The following KSR2 variants were observed in gnomAD, a reference collection of about 807,000 sequenced individuals.
KSR2 encodes the protein kinase suppressor of ras 2.
A neutral mutation model predicts 107.8 loss-of-function variants in KSR2; 25 were observed. That is an observed-to-expected ratio of 0.23 (90% confidence interval 0.17 to 0.32). KSR2 has a LOEUF of 0.32. Ranked by LOEUF, KSR2 falls within the 10% of genes least tolerant of loss-of-function variation. The pLI is 1.00. For missense variants in KSR2, 887 were observed against 1,268.9 expected, an observed-to-expected ratio of 0.70 and a Z score of 4.57; for synonymous variants, 480 against 507.0, an observed-to-expected ratio of 0.95 and a Z score of 0.71.
intron 3 of KSR2, among the ~76,000 whole-genome samples, chr12:117,766,466 T>G (rs950290049): frequency 6.6e-6 from 1 of 152,172 alleles, no homozygotes; most frequent in Non-Finnish European, 1.5e-5. Flanking sequence ...TGGAACTAAA[T>G]AGAGGTGGTG....
At chr12:117,891,547 G>A (rs1894341555) in intron 1 of KSR2, among the ~76,000 whole-genome samples, 1 of 152,192 alleles carries the variant, frequency 6.6e-6, no homozygotes. Context: ...AGACCAGCCT[G>A]GACAACAGAA....
chr12:117,589,573 TA>T (rs905506048), intron 5 of KSR2, among the ~76,000 whole-genome samples: 2 of 152,186 alleles, frequency 1.3e-5, no homozygotes, highest in Admixed American at 6.5e-5. Context: ...TCATTGGGCC[TA>T]AAGGTAACTG....
At chr12:117,519,416 G>T (rs956812412) in intron 14 of KSR2, among the ~76,000 whole-genome samples, 3 of 152,202 alleles carry the variant, frequency 2.0e-5, no homozygotes, top group African/African-American at 7.2e-5. Flanking sequence ...GGACACACCC[G>T]CAGAGGTTCT....
chr12:117,544,121 C>G (rs1068930), intron 9 of KSR2, among the ~76,000 whole-genome samples: 151,814 of 152,330 alleles, frequency 1, 75,651 homozygotes, highest in Middle Eastern at 1. Context: ...TATCTTTGTG[C>G]GGAATACAGG....
At chr12:117,538,888 T>C (rs938973708) in intron 10 of KSR2, among the ~76,000 whole-genome samples, 6 of 152,010 alleles carry the variant, frequency 3.9e-5, no homozygotes, top group Non-Finnish European at 7.4e-5. Flanking sequence ...TATGGCTGAG[T>C]TGGAAGCATT....
At chr12:117,725,064 CCTCTCTCTCT>C (rs5801250) in intron 4 of KSR2, among the ~76,000 whole-genome samples, 1 of 142,708 alleles carries the variant, frequency 7.0e-6, no homozygotes, top group Non-Finnish European at 1.5e-5. Flanking sequence ...GGCTTAATTC[CCTCTCTCTCT>C]CTCTCTCTCT....
At chr12:117,627,178 T>C (rs552735137) in intron 5 of KSR2, among the ~76,000 whole-genome samples, 30 of 152,358 alleles carry the variant, frequency 2.0e-4, no homozygotes, top group East Asian at 1.9e-3. Context: ...TGTCTTTTAA[T>C]TGGGGCATTT....
At chr12:117,793,193 C>T (rs1303400837) in intron 3 of KSR2, among the ~76,000 whole-genome samples, 4 of 144,966 alleles carry the variant, frequency 2.8e-5, no homozygotes, top group Non-Finnish European at 5.9e-5. Flanking sequence ...AATGTGCACA[C>T]ATACACACCA....
chr12:117,531,769 G>A lies in KSR2; in HGVS notation c.1688-62C>T, dbSNP rs1317387353. 31 of 1,322,096 alleles carry A rather than the reference G, an allele frequency of 2.3e-5. No individual in the cohort carries two copies. In the South Asian group the frequency reaches 4.1e-4, roughly 17 times the overall value. The allele number at this position is 1,322,096 out of a possible 1,614,324, so 81.9% of individuals were successfully genotyped here. On this transcript the variant is annotated intron_variant, in intron 10 of 19. Coordinates refer to ENST00000339824, the MANE Select transcript of KSR2 (RefSeq NM_173598.6). ...CAGGGAGACATCGCTTCAGGGACCA[G>A]ATTGAGCTCTTACAGCCACCACATG...
chr12:117,498,827 T>C (rs1093299), intron 14 of KSR2, among the ~76,000 whole-genome samples: 15,182 of 152,268 alleles, frequency 0.1, 863 homozygotes, highest in East Asian at 0.26. Context: ...CCATGTGAGA[T>C]GTGTCTTTCA....
intron 1 of KSR2, among the ~76,000 whole-genome samples, chr12:117,903,151 T>C (rs772340926): frequency 2.0e-5 from 3 of 152,346 alleles, no homozygotes; most frequent in Middle Eastern, 3.4e-3. Flanking sequence ...TTCAGTTACA[T>C]TTTGTCGTCA....
intron 14 of KSR2, among the ~76,000 whole-genome samples, chr12:117,507,486 T>A (rs1415695256): frequency 1.3e-5 from 2 of 152,198 alleles, no homozygotes; most frequent in African/African-American, 4.8e-5. Context: ...AAGCCAAATG[T>A]CAAATTCAGA....
At chr12:117,669,316 C>T (rs556801225) in intron 4 of KSR2, among the ~76,000 whole-genome samples, 45 of 151,970 alleles carry the variant, frequency 3.0e-4, no homozygotes, top group Non-Finnish European at 5.7e-4. Flanking sequence ...AAATTTGATA[C>T]TATCAAAAAA....
Position 117,537,021 on chromosome 12 carries a change from T to C in KSR2, c.1687+2698A>G, listed in dbSNP as rs192901180. Among the ~76,000 whole-genome samples the C allele has an allele frequency of 1.7e-3, 259 of 152,332 alleles. 2 individuals carry two copies. The highest frequency in any genetic ancestry group is 5.9e-3 in the African/African-American group (247 of 41,576). ...TGAGGTCAGGAGTTCGAGATGAGCC[T>C]CACCAATATGGTGAAACCCTGTCTC... is the stretch of plus-strand genomic sequence containing the variant. On this transcript the variant is annotated intron_variant, in intron 10 of 19. Coordinates refer to ENST00000339824, the MANE Select transcript of KSR2 (RefSeq NM_173598.6).
intron 3 of KSR2, among the ~76,000 whole-genome samples, chr12:117,779,304 C>T (rs1055608595): frequency 6.6e-6 from 1 of 152,230 alleles, no homozygotes; most frequent in African/African-American, 2.4e-5. Context: ...GCCAACATAA[C>T]TTCTTGCCAC....
At chr12:117,752,562 G>A (rs1184947838) in intron 4 of KSR2, among the ~76,000 whole-genome samples, 1 of 152,146 alleles carries the variant, frequency 6.6e-6, no homozygotes, top group East Asian at 1.9e-4. Flanking sequence ...ATTAATAGCA[G>A]TTATAGTAGT....
intron 5 of KSR2, among the ~76,000 whole-genome samples, chr12:117,617,640 TGTAAA>T (rs1339365954): frequency 6.6e-6 from 1 of 151,990 alleles, no homozygotes; most frequent in Non-Finnish European, 1.5e-5. Context: ...TTCCAGAAAA[TGTAAA>T]GTAATCTATA....
intron 4 of KSR2, among the ~76,000 whole-genome samples, chr12:117,720,451 T>A (rs1238220192): frequency 2.6e-5 from 4 of 152,230 alleles, no homozygotes; most frequent in African/African-American, 9.6e-5. Context: ...CAGATGTTTT[T>A]AATCCCTAAT....
intron 1 of KSR2, among the ~76,000 whole-genome samples, chr12:117,963,485 C>T (rs1298981126): frequency 6.6e-6 from 1 of 151,988 alleles, no homozygotes; most frequent in Non-Finnish European, 1.5e-5. Context: ...TACCTGTAGT[C>T]CCAGCTACTC....
Sources: allele counts gnomAD v4.1 joint callset (sites outside exome capture counted in the v4.1 genomes callset), GRCh38; gene constraint gnomAD v4.1.1; transcripts MANE v1.5; gene names NCBI Gene and HGNC (gene_info 2026-07-23, HGNC 2026-07-21).